Variants in CNTN4 observed in about 807,000 individuals in gnomAD.
CNTN4 encodes contactin 4.
CNTN4 carries 77 observed loss-of-function variants against 122.5 expected under a neutral mutation model. The observed-to-expected ratio is 0.63, with a 90% CI of 0.52 to 0.76. The LOEUF (loss-of-function observed/expected upper bound fraction) is 0.76, where lower values mean the gene tolerates loss of function less well. CNTN4 is among the 30% of genes least tolerant of loss of function. CNTN4 has a pLI of 0.00. For missense variants in CNTN4, 1,256 were observed against 1,259.1 expected, an observed-to-expected ratio of 1.00 and a Z score of 0.04; for synonymous variants, 512 against 447.0, an observed-to-expected ratio of 1.15 and a Z score of -1.83.
At chr3:2,331,657 A>G (rs1340049891) in intron 2 of CNTN4, among the ~76,000 whole-genome samples, 2 of 152,104 alleles carry the variant, frequency 1.3e-5, no homozygotes, top group Admixed American at 6.5e-5. Flanking sequence ...GTTCCAAGCT[A>G]AGGAACTCGG....
chr3:2,587,693 C>T (rs2080267897), intron 4 of CNTN4, among the ~76,000 whole-genome samples: 1 of 152,180 alleles, frequency 6.6e-6, no homozygotes, highest in African/African-American at 2.4e-5. Flanking sequence ...AATGGCATTT[C>T]ATAATTGTTT....
chr3:2,925,463 G>A lies in CNTN4; in HGVS notation c.1208-166G>A, dbSNP rs183476877. ...AGCTACTAGGGAGGCTGAGGCAGGA[G>A]AGTCACTTGAACCCGGGAGGCGGAG... On this transcript the variant is annotated intron_variant, in intron 12 of 24. Coordinates refer to ENST00000418658, the MANE Select transcript of CNTN4 (RefSeq NM_175607.3). 6.1e-3 allele frequency among the ~76,000 whole-genome samples: 935 copies of A among 152,294 alleles called. 36 individuals are homozygous for A. The highest frequency in any genetic ancestry group is 0.053 in the Admixed American group (806 of 15,294).
At chr3:2,682,215 A>G (rs1007175539) in intron 4 of CNTN4, among the ~76,000 whole-genome samples, 1 of 152,234 alleles carries the variant, frequency 6.6e-6, no homozygotes, top group Non-Finnish European at 1.5e-5. Context: ...ACCATGAAAC[A>G]TTTATGATCT....
chr3:2,220,734 C>G (rs761533494), intron 2 of CNTN4, among the ~76,000 whole-genome samples: 1 of 152,046 alleles, frequency 6.6e-6, no homozygotes, highest in Non-Finnish European at 1.5e-5. Flanking sequence ...TGACACCATA[C>G]TGTAGCATAT....
chr3:2,784,801 C>T (rs536905795), intron 6 of CNTN4, among the ~76,000 whole-genome samples: 1 of 152,272 alleles, frequency 6.6e-6, no homozygotes, highest in African/African-American at 2.4e-5. Flanking sequence ...TAATATGACT[C>T]ACCTGACCAG....
At chr3:3,026,380 G>T (rs11710239) in intron 15 of CNTN4, 103 bp downstream of exon 15, 38,165 of 992,882 alleles carry the variant, frequency 0.038, 970 homozygotes, top group South Asian at 0.08. Flanking sequence ...TAATCTTATG[G>T]CAAGAAACTC....
chr3:2,711,511 C>T (rs940841056), intron 4 of CNTN4, among the ~76,000 whole-genome samples: 2 of 152,108 alleles, frequency 1.3e-5, no homozygotes, highest in Non-Finnish European at 2.9e-5. Flanking sequence ...CCCTACTTTT[C>T]TGAAGGAAGA....
chr3:2,433,428 G>T (rs187665386), intron 3 of CNTN4, among the ~76,000 whole-genome samples: 1 of 152,252 alleles, frequency 6.6e-6, no homozygotes, highest in Non-Finnish European at 1.5e-5. Flanking sequence ...CCATTTGTAT[G>T]TCTACTTTAG....
At chr3:2,981,177 G>GCT (rs557012374) in intron 13 of CNTN4, among the ~76,000 whole-genome samples, 75 of 152,338 alleles carry the variant, frequency 4.9e-4, no homozygotes, top group African/African-American at 1.8e-3. Flanking sequence ...GGGCGCGGTG[G>GCT]CTCACGCCTG....
chr3:2,570,256 C>T (rs952795216), intron 3 of CNTN4, among the ~76,000 whole-genome samples: 24 of 151,902 alleles, frequency 1.6e-4, no homozygotes, highest in African/African-American at 5.3e-4. Context: ...TCACTGCAGC[C>T]TCGAACTCCT....
At chr3:2,274,529 C>T (rs17011545) in intron 2 of CNTN4, among the ~76,000 whole-genome samples, 1,741 of 135,960 alleles carry the variant, frequency 0.013, 34 homozygotes, top group African/African-American at 0.043. Context: ...CTTTTTTTTT[C>T]CTCAGTCTGG....
chr3:2,634,876 A>G (rs926923905), intron 4 of CNTN4, among the ~76,000 whole-genome samples: 3 of 151,848 alleles, frequency 2.0e-5, no homozygotes, highest in African/African-American at 7.3e-5. Context: ...AATAAAATAA[A>G]AAATTCTATA....
intron 4 of CNTN4, among the ~76,000 whole-genome samples, chr3:2,584,368 C>A (rs2080083470): frequency 6.6e-6 from 1 of 151,978 alleles, no homozygotes; most frequent in Non-Finnish European, 1.5e-5. Context: ...GTAGGAGGGT[C>A]AAAAGTGATT....
chr3:2,312,860 T>A (rs1410684193), intron 2 of CNTN4, among the ~76,000 whole-genome samples: 1 of 152,076 alleles, frequency 6.6e-6, no homozygotes, highest in Non-Finnish European at 1.5e-5. Flanking sequence ...TATTTATGGA[T>A]GTGTGCTGTT....
intron 4 of CNTN4, among the ~76,000 whole-genome samples, chr3:2,711,000 A>G (rs755429350): frequency 7.2e-5 from 11 of 152,238 alleles, no homozygotes; most frequent in Non-Finnish European, 1.5e-4. Flanking sequence ...TGGCAGGGGT[A>G]TGAAACCAGT....
At chr3:2,251,648 A>T (rs1020011804) in intron 2 of CNTN4, among the ~76,000 whole-genome samples, 1 of 151,904 alleles carries the variant, frequency 6.6e-6, no homozygotes, top group Non-Finnish European at 1.5e-5. Flanking sequence ...AGCCCTTATT[A>T]TAACATATTA....
intron 3 of CNTN4, among the ~76,000 whole-genome samples, chr3:2,416,040 T>A (rs964373754): frequency 1.3e-5 from 2 of 152,178 alleles, no homozygotes; most frequent in African/African-American, 4.8e-5. Context: ...TTTGGTTACA[T>A]GTTTTGGAAT....
At chr3:2,485,238 C>G (rs1224565594) in intron 3 of CNTN4, among the ~76,000 whole-genome samples, 3 of 152,224 alleles carry the variant, frequency 2.0e-5, no homozygotes, top group African/African-American at 4.8e-5. Context: ...CAGACAGCAC[C>G]TCCCCCTGCT....
intron 3 of CNTN4, among the ~76,000 whole-genome samples, chr3:2,416,591 C>T (rs2047421839): frequency 6.6e-6 from 1 of 152,168 alleles, no homozygotes; most frequent in South Asian, 2.1e-4. Flanking sequence ...CCAGATGCCA[C>T]TCTTGCTTCT....
Sources: gnomAD v4.1 joint callset for allele counts (sites outside exome capture counted in the v4.1 genomes callset) on GRCh38, gnomAD v4.1.1 for gene constraint, MANE v1.5 for transcripts, NCBI Gene and HGNC (gene_info 2026-07-23, HGNC 2026-07-21) for gene names.